The following PPM1L variants were observed in gnomAD, a reference collection of about 807,000 sequenced individuals.
PPM1L encodes protein phosphatase, Mg2+/Mn2+ dependent 1L, also known as protein phosphatase 1L.
PPM1L carries 13 observed loss-of-function variants against 31.4 expected under a neutral mutation model. That is an observed-to-expected ratio of 0.41 (90% CI 0.27 to 0.66). PPM1L has a LOEUF of 0.66. PPM1L is among the 30% of genes least tolerant of loss of function. The pLI is 0.29. For synonymous variants in PPM1L, 184 were observed against 175.4 expected, an observed-to-expected ratio of 1.05 and a Z score of -0.39; for missense variants, 326 against 453.7, an observed-to-expected ratio of 0.72 and a Z score of 2.56.
rs576167317 is a variant in PPM1L at position 160,929,841 on chromosome 3, G to A, written c.400-31895G>A. Among the ~76,000 whole-genome samples the A allele has an allele frequency of 1.1e-4, 16 of 152,304 alleles. No individual in the cohort carries two copies. In the South Asian group the frequency reaches 3.1e-3, roughly 30 times the overall value. Reference sequence around the variant, plus strand: ...TGGACAGACAAGCACTGGGAGTGCAGGCCAGTCTAGCACAGTCCCCACCAC... The same window carrying A: ...TGGACAGACAAGCACTGGGAGTGCAAGCCAGTCTAGCACAGTCCCCACCAC... On this transcript the variant is annotated intron_variant, in intron 1 of 3. Coordinates refer to ENST00000498165, the MANE Select transcript of PPM1L (RefSeq NM_139245.4).
intron 1 of PPM1L, among the ~76,000 whole-genome samples, chr3:160,919,750 A>T (rs148541672): frequency 1.3e-5 from 2 of 152,336 alleles, no homozygotes; most frequent in African/African-American, 4.8e-5. Context: ...TCAGAAAAAA[A>T]GCTACATCAA....
intron 1 of PPM1L, among the ~76,000 whole-genome samples, chr3:160,781,946 T>C (rs970127441): frequency 1.3e-5 from 2 of 152,210 alleles, no homozygotes; most frequent in Non-Finnish European, 2.9e-5. Context: ...TCATTACTTA[T>C]TTTTGGCCAG....
intron 1 of PPM1L, among the ~76,000 whole-genome samples, chr3:160,784,653 G>C (rs553679427): frequency 6.6e-6 from 1 of 152,102 alleles, no homozygotes; most frequent in African/African-American, 2.4e-5. Context: ...TTTAAAAAAT[G>C]GTTTTGTTTT....
intron 1 of PPM1L, among the ~76,000 whole-genome samples, chr3:160,871,471 A>G (rs1712303620): frequency 6.6e-6 from 1 of 152,238 alleles, no homozygotes; most frequent in Non-Finnish European, 1.5e-5. Flanking sequence ...TTGAGACAGA[A>G]GCATGAAGAG....
At chr3:160,815,994 T>A (rs1318607321) in intron 1 of PPM1L, among the ~76,000 whole-genome samples, 2 of 152,160 alleles carry the variant, frequency 1.3e-5, no homozygotes, top group Non-Finnish European at 2.9e-5. Context: ...TTGATTTACC[T>A]GAAAGTCACC....
chr3:160,778,606 T>C (rs575878920), intron 1 of PPM1L, among the ~76,000 whole-genome samples: 1 of 152,332 alleles, frequency 6.6e-6, no homozygotes, highest in Admixed American at 6.5e-5. Flanking sequence ...TAGAATAACT[T>C]GAATTATTAG....
rs1279108004 is a variant in PPM1L at position 160,826,653 on chromosome 3, G to T, written c.399+69946G>T. On this transcript the variant is annotated intron_variant, in intron 1 of 3. Transcript: ENST00000498165. ...GTAGGGAGTGAAACAAATTGTGGAA[G>T]TGTTATCTGCTGTTACCACTGTCTG... Among the ~76,000 whole-genome samples, 3 of 152,236 alleles carry T rather than the reference G, an allele frequency of 2.0e-5. No individual in the cohort carries two copies. The East Asian group carries it at 5.8e-4, about 29-fold the overall frequency.
intron 1 of PPM1L, among the ~76,000 whole-genome samples, chr3:160,917,280 A>T (rs1714217345): frequency 6.6e-6 from 1 of 152,212 alleles, no homozygotes; most frequent in African/African-American, 2.4e-5. Context: ...GAAATCTCTC[A>T]ATCTGCTAGC....
intron 2 of PPM1L, among the ~76,000 whole-genome samples, chr3:161,013,633 C>A (rs943739481): frequency 3.3e-5 from 5 of 152,238 alleles, no homozygotes; most frequent in African/African-American, 1.2e-4. Flanking sequence ...GGGTTAAAGT[C>A]TCCCATTATT....
At chr3:160,888,247 ACAGAGT>A (rs1477360942) in intron 1 of PPM1L, among the ~76,000 whole-genome samples, 1 of 152,224 alleles carries the variant, frequency 6.6e-6, no homozygotes, top group Non-Finnish European at 1.5e-5. Flanking sequence ...CAAGTTGGAT[ACAGAGT>A]CAAGACCCAT....
At chr3:161,064,290 C>T (rs933017492) in intron 2 of PPM1L, among the ~76,000 whole-genome samples, 28 of 149,866 alleles carry the variant, frequency 1.9e-4, no homozygotes, top group East Asian at 2.0e-4. Context: ...TTGCTTGAGC[C>T]GAGGAATTTG....
chr3:160,769,774 T>A (rs1202754806), intron 1 of PPM1L, among the ~76,000 whole-genome samples: 1 of 152,204 alleles, frequency 6.6e-6, no homozygotes, highest in African/African-American at 2.4e-5. Flanking sequence ...AGGATTTTTG[T>A]TCTTTAATTA....
chr3:160,758,454 T>C (rs1430961624), intron 1 of PPM1L, among the ~76,000 whole-genome samples: 1 of 152,220 alleles, frequency 6.6e-6, no homozygotes, highest in Non-Finnish European at 1.5e-5. Context: ...GGTGATAATC[T>C]GCTTCTGGTC....
intron 1 of PPM1L, among the ~76,000 whole-genome samples, chr3:160,945,115 ATCT>A (rs1715362964): frequency 1.0e-4 from 1 of 9,714 alleles, no homozygotes; most frequent in East Asian, 1.2e-3. Context: ...CATATATGTT[ATCT>A]ATCTATCTAT....
At chr3:160,862,703 CAA>C (rs1553814129) in intron 1 of PPM1L, among the ~76,000 whole-genome samples, 11,258 of 131,406 alleles carry the variant, frequency 0.086, 560 homozygotes, top group African/African-American at 0.18. Flanking sequence ...CACACACACA[CAA>C]AATTCTGAAA....
intron 2 of PPM1L, among the ~76,000 whole-genome samples, chr3:161,041,176 T>C (rs1718893955): frequency 6.6e-6 from 1 of 152,206 alleles, no homozygotes; most frequent in African/African-American, 2.4e-5. Flanking sequence ...ACTCAACCAA[T>C]GACAAACTCA....
intron 1 of PPM1L, among the ~76,000 whole-genome samples, chr3:160,821,903 C>T (rs1440026638): frequency 6.6e-6 from 1 of 151,810 alleles, no homozygotes; most frequent in Non-Finnish European, 1.5e-5. Context: ...TACTGTGTGT[C>T]AGGCACTGCA....
chr3:161,043,926 A>G (rs1250462199), intron 2 of PPM1L, among the ~76,000 whole-genome samples: 2 of 152,212 alleles, frequency 1.3e-5, no homozygotes, highest in Non-Finnish European at 2.9e-5. Flanking sequence ...CTGGCCTCCA[A>G]GGAAATCACA....
intron 2 of PPM1L, among the ~76,000 whole-genome samples, chr3:161,020,062 G>T (rs1010481179): frequency 3.3e-5 from 5 of 150,610 alleles, no homozygotes; most frequent in African/African-American, 1.2e-4. Flanking sequence ...GGAGGTGGAG[G>T]TTGCAGTGAG....
Sources: gnomAD v4.1 joint callset for allele counts (sites outside exome capture counted in the v4.1 genomes callset) on GRCh38, gnomAD v4.1.1 for gene constraint, MANE v1.5 for transcripts, NCBI Gene and HGNC (gene_info 2026-07-23, HGNC 2026-07-21) for gene names.